The following BRCC3 variants were observed in gnomAD, a reference collection of about 807,000 sequenced individuals.
BRCC3 encodes the protein BRCA1/BRCA2-containing complex subunit 3.
Under a neutral mutation model 28.0 loss-of-function variants are expected in BRCC3, and 15 were observed. That is an observed-to-expected ratio of 0.54 (90% CI 0.36 to 0.82). The LOEUF (loss-of-function observed/expected upper bound fraction) is 0.82. BRCC3 is among the 40% of genes least tolerant of loss of function. BRCC3 has a pLI of 0.01. For missense variants in BRCC3, 109 were observed against 225.9 expected (o/e 0.48, Z 3.32); for synonymous variants, 66 against 80.3 (o/e 0.82, Z 0.95).
chrX:155,099,325 G>C, intron 7 of BRCC3: 7 of 1,208,526 alleles, frequency 5.8e-6, no homozygotes, highest in Non-Finnish European at 7.8e-6. Context: ...GTCCCTTCAT[G>C]GTCCACGAGA....
chrX:155,073,553 A>G (rs1343409060), intron 3 of BRCC3, 122 bp downstream of exon 3: 61 of 834,174 alleles, frequency 7.3e-5, no homozygotes, highest in Non-Finnish European at 1.0e-4. Context: ...TAGTAAAATC[A>G]GATGAAGAAT....
rs1557299526 is a variant in BRCC3, at chrX:155,121,977, T to A, written c.*773T>A. ...CTCTTGTCTCTACAAAAAGTTTTTT[T>A]AAAAAATTAACTGGGCACCATGACA... On this transcript the variant is annotated 3_prime_UTR_variant, in exon 11 of 11. Transcript: ENST00000330045. 3 of 110,528 alleles carry A rather than the reference T, an allele frequency of 2.7e-5. No homozygotes were observed. The highest frequency in any genetic ancestry group is 9.7e-5 in the Admixed American group (1 of 10,357). 9.1% of individuals were successfully genotyped at this position (110,528 alleles called of 1,213,427 possible).
chrX:155,096,987 G>C (rs1412025913), intron 7 of BRCC3, among the ~76,000 whole-genome samples: 1 of 111,983 alleles, frequency 8.9e-6, no homozygotes, highest in Non-Finnish European at 1.9e-5. Flanking sequence ...CTTATCACAC[G>C]TATATACAAA....
At chrX:155,110,902 A>G (rs969148272) in intron 7 of BRCC3, among the ~76,000 whole-genome samples, 2 of 111,124 alleles carry the variant, frequency 1.8e-5, no homozygotes. Flanking sequence ...AAAACTCAAA[A>G]TACCACAGAA....
chrX:155,090,985 G>T, intron 7 of BRCC3, 146 bp downstream of exon 7: 1 of 482,423 alleles, frequency 2.1e-6, no homozygotes, highest in Non-Finnish European at 3.5e-6. Context: ...TCTACGATGA[G>T]TTAGAATCTC....
Position 155,120,048 on chromosome X carries a change from C to T in BRCC3, c.774C>T (p.Leu258=), listed in dbSNP as rs782630497. ...AGATGTCGGCAGTCAGCGGGCCTCTCCTACAGTGGTTGGAGGACAGACTGG... is the reference window on the plus strand; with the variant it reads ...AGATGTCGGCAGTCAGCGGGCCTCTTCTACAGTGGTTGGAGGACAGACTGG... ...CSQMSAVSGP[L]LQWLEDRLEQ... is the part of the protein sequence containing the mutation. Residue 258 remains leucine, a synonymous_variant, in exon 10 of 11, where the codon CTC becomes CTT. Coordinates refer to ENST00000330045, the MANE Select transcript of BRCC3 (RefSeq NM_001018055.3). The T allele has an allele frequency of 1.7e-6, 2 of 1,209,222 alleles. No individual in the cohort carries two copies. Among genetic ancestry groups the T allele is most frequent in the East Asian group, 3.0e-5 (1 of 33,834 alleles).
Position 155,075,289 on chromosome X carries a change from T to TCTTTG in BRCC3, c.195+1858_195+1859insCTTTG, listed in dbSNP as rs1569560416. Among the ~76,000 whole-genome samples, 5 of 49,977 alleles carry TCTTTG rather than the reference T, an allele frequency of 1.0e-4. No homozygotes were observed. The African/African-American group carries it at 3.1e-3, about 31-fold the overall frequency. The allele number at this position is 49,977 out of a possible 115,157, so 43.4% of individuals were successfully genotyped here. On this transcript the variant is annotated intron_variant, in intron 3 of 10. Transcript: ENST00000330045. ...CATCTGATAATGCTAAGCCCACTCT[T>TCTTTG]TCCCCTGGCCCTTCTTGTTCTTCCC...
chrX:155,104,244 A>G lies in BRCC3; in HGVS notation c.549-11813A>G, dbSNP rs186747042. 7.6e-3 allele frequency among the ~76,000 whole-genome samples: 843 copies of G among 111,361 alleles called. 2 individuals are homozygous for G. Among genetic ancestry groups the G allele is most frequent in the Non-Finnish European group, 0.012 (646 of 53,047 alleles). On this transcript the variant is annotated intron_variant, in intron 7 of 10. Coordinates refer to ENST00000330045, the MANE Select transcript of BRCC3 (RefSeq NM_001018055.3). ...TTCATGCCTGATAATTTTTGATTGG[A>G]TGCAGACACTGTGAATTTTACCTTA...
At chrX:155,084,880 G>A (rs1185005779) in intron 5 of BRCC3, among the ~76,000 whole-genome samples, 17 of 111,495 alleles carry the variant, frequency 1.5e-4, no homozygotes, top group Admixed American at 7.6e-4. Context: ...TAAGGTGGGA[G>A]GAACCCTTGA....
chrX:155,073,478 A>G, intron 3 of BRCC3, 47 bp downstream of exon 3: 1 of 1,146,720 alleles, frequency 8.7e-7, no homozygotes, highest in Non-Finnish European at 1.2e-6. Flanking sequence ...AGTTGGGGAA[A>G]GATTTCTGTA....
Position 155,075,303 on chromosome X carries a change from C to CA in BRCC3, c.196-1867_196-1866insA, listed in dbSNP as rs1557293400. On this transcript the variant is annotated intron_variant, in intron 3 of 10. Coordinates refer to ENST00000330045, the MANE Select transcript of BRCC3 (RefSeq NM_001018055.3). ...AAGCCCACTCTTTCCCCTGGCCCTT[C>CA]TTGTTCTTCCCCACACTAAATGTGG... 6.9e-4 allele frequency among the ~76,000 whole-genome samples: 35 copies of CA among 50,407 alleles called. 1 individual carries two copies. Among genetic ancestry groups the CA allele is most frequent in the Admixed American group, 5.1e-3 (25 of 4,917 alleles). The allele number at this position is 50,407 out of a possible 115,157, so 43.8% of individuals were successfully genotyped here.
chrX:155,084,444 G>C (rs1275420678), intron 5 of BRCC3, among the ~76,000 whole-genome samples: 3 of 111,067 alleles, frequency 2.7e-5, no homozygotes, highest in Non-Finnish European at 5.7e-5. Context: ...CTCACTGCAA[G>C]CTCCGCCTCC....
At chrX:155,093,161 G>A (rs1274428401) in intron 7 of BRCC3, among the ~76,000 whole-genome samples, 1 of 110,540 alleles carries the variant, frequency 9.0e-6, no homozygotes, top group Non-Finnish European at 1.9e-5. Flanking sequence ...TATTCAAACT[G>A]CTGTACACTT....
chrX:155,108,694 A>G (rs1322397522), intron 7 of BRCC3, among the ~76,000 whole-genome samples: 2 of 111,606 alleles, frequency 1.8e-5, no homozygotes, highest in Non-Finnish European at 3.8e-5. Flanking sequence ...ATATCCCCTC[A>G]TGTATAAGTC....
chrX:155,101,784 G>A (rs2074248657), intron 7 of BRCC3, among the ~76,000 whole-genome samples: 1 of 111,572 alleles, frequency 9.0e-6, no homozygotes, highest in Non-Finnish European at 1.9e-5. Flanking sequence ...ATTTCTCCAA[G>A]GAGCCTTGGT....
At chrX:155,102,430 A>ATT (rs2074251901) in intron 7 of BRCC3, among the ~76,000 whole-genome samples, 4 of 111,045 alleles carry the variant, frequency 3.6e-5, no homozygotes, top group Admixed American at 9.5e-5. Context: ...ATATTGAGTT[A>ATT]ATATCCTACA....
intron 7 of BRCC3, chrX:155,099,462 A>G: frequency 1.7e-6 from 2 of 1,157,267 alleles, no homozygotes; most frequent in Non-Finnish European, 2.3e-6. Context: ...GAAGTCCCAG[A>G]AAACAATTCC....
chrX:155,110,394 A>T (rs1557297989), intron 7 of BRCC3, among the ~76,000 whole-genome samples: 1 of 111,541 alleles, frequency 9.0e-6, no homozygotes, highest in East Asian at 2.8e-4. Context: ...ATGTAGGATT[A>T]TTCTGATTTT....
At chrX:155,073,494 G>C (rs782584424) in intron 3 of BRCC3, 63 bp downstream of exon 3, 26 of 1,114,793 alleles carry the variant, frequency 2.3e-5, no homozygotes, top group Non-Finnish European at 2.7e-5. Flanking sequence ...CTGTAATCCA[G>C]TGATCTCAGC....
Sources: allele counts gnomAD v4.1 joint callset (sites outside exome capture counted in the v4.1 genomes callset), GRCh38; gene constraint gnomAD v4.1.1; transcripts MANE v1.5; gene names NCBI Gene and HGNC (gene_info 2026-07-23, HGNC 2026-07-21).